The following SMPD3 variants were observed in gnomAD, a reference collection of about 807,000 sequenced individuals.
The protein encoded by SMPD3 is nSMase-2.
In SMPD3, 21 loss-of-function variants were observed where a neutral mutation model predicts 55.7. The observed-to-expected ratio is 0.38, with a 90% CI of 0.27 to 0.54. The LOEUF (loss-of-function observed/expected upper bound fraction) is 0.54. Among genes scored for constraint, SMPD3 ranks in the 20% least tolerant of loss-of-function variants. SMPD3 has a pLI of 0.80. For synonymous variants in SMPD3, 457 were observed against 404.3 expected, an observed-to-expected ratio of 1.13 and a Z score of -1.56; for missense variants, 842 against 899.6, an observed-to-expected ratio of 0.94 and a Z score of 0.82.
chr16:68,363,787 C>A lies in SMPD3; in HGVS notation c.1635G>T (p.Pro545=), dbSNP rs1352482492. Reference sequence around the variant, plus strand: ...CCAGCCCCAGCTCACCGATGGCCCACGGCTTCTCCTCACCAGGCCCCAGGC... The same window carrying A: ...CCAGCCCCAGCTCACCGATGGCCCAAGGCTTCTCCTCACCAGGCCCCAGGC... ...PCRLGPGEEK[P]WAIGTLLDTN... is the part of the protein sequence containing the mutation. The change falls in exon 6 of 9, where the codon CCG becomes CCT. Residue 545 remains proline, a synonymous_variant. Coordinates refer to ENST00000219334, the MANE Select transcript of SMPD3 (RefSeq NM_018667.4). 2.6e-6 allele frequency: 4 copies of A among 1,565,338 alleles called. No individual in the cohort carries two copies. In the Admixed American group the frequency reaches 7.5e-5, roughly 29 times the overall value.
At chr16:68,366,404 C>T (rs1389201148) in intron 3 of SMPD3, among the ~76,000 whole-genome samples, 4 of 152,222 alleles carry the variant, frequency 2.6e-5, no homozygotes, top group Admixed American at 6.5e-5. Context: ...CCTGGGGGTA[C>T]GAACGTCTGG....
intron 1 of SMPD3, among the ~76,000 whole-genome samples, chr16:68,397,461 G>A (rs1300597453): frequency 6.6e-6 from 1 of 152,196 alleles, no homozygotes; most frequent in East Asian, 1.9e-4. Flanking sequence ...GAACACCCCG[G>A]TCAAGCCCAT....
rs556070318 is a variant in SMPD3 at position 68,392,897 on chromosome 16, G to A, written c.-268-6238C>T. 4.7e-5 allele frequency among the ~76,000 whole-genome samples: 7 copies of A among 148,576 alleles called. No individual in the cohort carries two copies. In the East Asian group the frequency reaches 8.1e-4, roughly 17 times the overall value. On this transcript the variant is annotated intron_variant, in intron 1 of 8. Transcript: ENST00000219334. ...CACATACCAAGGAAAAGCCATATGC[G>A]GACTTAGTGAGAAGGTGGCTGTCTA...
intron 1 of SMPD3, among the ~76,000 whole-genome samples, chr16:68,392,195 A>G (rs1205890695): frequency 1.8e-4 from 28 of 152,150 alleles, no homozygotes. Flanking sequence ...CCTGGCCAAG[A>G]TTTTTCAACT....
In SMPD3 at chr16:68,372,355, C is replaced by T; in HGVS notation, c.-174G>A. 1 of 822,364 alleles carries T rather than the reference C, an allele frequency of 1.2e-6. No individual in the cohort carries two copies. Among genetic ancestry groups the T allele is most frequent in the East Asian group, 2.7e-5 (1 of 37,700 alleles). 50.9% of individuals were successfully genotyped at this position (822,364 alleles called of 1,614,324 possible). On this transcript the variant is annotated 5_prime_UTR_variant, in exon 3 of 9. Transcript: ENST00000219334. ...TGTTGGCCAGCCGGTCATGGTTCACCTCGGTGGGCCATGCGGAGGCCTACT... is the reference window on the plus strand; with the variant it reads ...TGTTGGCCAGCCGGTCATGGTTCACTTCGGTGGGCCATGCGGAGGCCTACT...
At chr16:68,370,803 A>C in intron 3 of SMPD3, 56 bp downstream of exon 3, 1 of 1,597,982 alleles carries the variant, frequency 6.3e-7, no homozygotes, top group Non-Finnish European at 8.5e-7. Context: ...CCCCCTGCCT[A>C]CATGGCTCTA....
intron 1 of SMPD3, among the ~76,000 whole-genome samples, chr16:68,395,977 T>G (rs927226057): frequency 3.9e-5 from 6 of 152,230 alleles, no homozygotes; most frequent in African/African-American, 1.2e-4. Context: ...CAACTCAGTG[T>G]GCCTGGCCTG....
At chr16:68,398,639 A>T (rs540006145) in intron 1 of SMPD3, among the ~76,000 whole-genome samples, 3 of 152,302 alleles carry the variant, frequency 2.0e-5, no homozygotes, top group Admixed American at 2.0e-4. Context: ...TTATCCCATA[A>T]ATTGCTTTTG....
Position 68,361,062 on chromosome 16 carries a change from C to T in SMPD3, c.*144G>A. 1.4e-6 allele frequency: 1 copy of T among 731,936 alleles called. No individual in the cohort carries two copies. Among genetic ancestry groups the T allele is most frequent in the Non-Finnish European group, 2.2e-6 (1 of 451,702 alleles). The allele number at this position is 731,936 out of a possible 1,614,324, so 45.3% of individuals were successfully genotyped here. A position where few individuals can be genotyped will look rare whatever the true frequency, so the allele number is the denominator to read the frequency against. On this transcript the variant is annotated 3_prime_UTR_variant, in exon 9 of 9. Transcript: ENST00000219334. ...GGCCCAGAGGCGCAGAGCAGCGCAG[C>T]TTCCAGGTTCCCGGGCACTGACTGT...
At chr16:68,373,523 G>A (rs2089729321) in intron 2 of SMPD3, among the ~76,000 whole-genome samples, 1 of 152,128 alleles carries the variant, frequency 6.6e-6, no homozygotes, top group South Asian at 2.1e-4. Flanking sequence ...ACTTTGGGGG[G>A]TCTGAGCCCA....
intron 1 of SMPD3, among the ~76,000 whole-genome samples, chr16:68,419,389 G>T (rs540830295): frequency 1.4e-3 from 213 of 152,298 alleles, no homozygotes; most frequent in African/African-American, 4.9e-3. Flanking sequence ...ATCAGCCAGT[G>T]CGGGAGAAAC....
At chr16:68,406,391 C>G (rs1475745715) in intron 1 of SMPD3, among the ~76,000 whole-genome samples, 1 of 152,160 alleles carries the variant, frequency 6.6e-6, no homozygotes, top group African/African-American at 2.4e-5. Context: ...ATCAATTTAA[C>G]CTGGCCCTCC....
intron 3 of SMPD3, among the ~76,000 whole-genome samples, chr16:68,366,421 A>G (rs2151976708): frequency 6.6e-6 from 1 of 152,362 alleles, no homozygotes; most frequent in East Asian, 1.9e-4. Context: ...CTGGCTGTTC[A>G]GCCCCACAGG....
In SMPD3 at chr16:68,359,742, CA is replaced by C. The variant is rs2089128140; in HGVS notation, c.*1463del. On this transcript the variant is annotated 3_prime_UTR_variant, in exon 9 of 9. Transcript: ENST00000219334. ...GGAGGTCAGCGGGGATTGTCAAAAA[CA>C]GTCCCTCAAGTTGAGTCTCGAACTT... 6.6e-6 allele frequency: 1 copy of C among 152,580 alleles called. No individual in the cohort carries two copies. The highest frequency in any genetic ancestry group is 2.4e-5 in the African/African-American group (1 of 41,460). The allele number at this position is 152,580 out of a possible 1,614,324, so 9.5% of individuals were successfully genotyped here.
intron 1 of SMPD3, among the ~76,000 whole-genome samples, chr16:68,387,426 C>T (rs957210583): frequency 6.6e-6 from 1 of 152,100 alleles, no homozygotes; most frequent in Non-Finnish European, 1.5e-5. Context: ...GGGACACTGC[C>T]CTCCACACTT....
intron 1 of SMPD3, among the ~76,000 whole-genome samples, chr16:68,448,050 C>T (rs78959735): frequency 1.3e-4 from 20 of 152,158 alleles, no homozygotes; most frequent in Non-Finnish European, 1.2e-4. Context: ...CGAGCAGCCC[C>T]GTCGCCAGGC....
At chr16:68,391,782 T>G (rs1461710264) in intron 1 of SMPD3, among the ~76,000 whole-genome samples, 1 of 152,120 alleles carries the variant, frequency 6.6e-6, no homozygotes, top group Non-Finnish European at 1.5e-5. Flanking sequence ...CCCAACAAAT[T>G]TATATGTTGA....
At chr16:68,374,199 C>T (rs549027797) in intron 2 of SMPD3, among the ~76,000 whole-genome samples, 1 of 152,344 alleles carries the variant, frequency 6.6e-6, no homozygotes, top group East Asian at 1.9e-4. Context: ...ATGCCTCCAG[C>T]CAGAGAGGGG....
intron 6 of SMPD3, 40 bp from the exon 7 acceptor site, chr16:68,363,599 G>C: frequency 6.3e-7 from 1 of 1,596,690 alleles, no homozygotes. Context: ...GCTGCAGGCA[G>C]GGCCCAGGCA....
Sources: allele counts gnomAD v4.1 joint callset (sites outside exome capture counted in the v4.1 genomes callset), GRCh38; gene constraint gnomAD v4.1.1; transcripts MANE v1.5; gene names NCBI Gene and HGNC (gene_info 2026-07-23, HGNC 2026-07-21).